Variants in USH2A observed in about 807,000 individuals in gnomAD.
The protein encoded by USH2A is usherin, also known as Usher syndrome 2A (autosomal recessive, mild).
Under a neutral mutation model 538.9 loss-of-function variants are expected in USH2A, and 443 were observed. The ratio of observed to expected loss-of-function variants is 0.82; its 90% CI spans 0.76 to 0.89. The LOEUF (loss-of-function observed/expected upper bound fraction) is 0.89. Ranked by LOEUF, USH2A falls within the 40% of genes least tolerant of loss-of-function variation. The pLI is 0.00. For missense variants in USH2A, 6,633 were observed against 6,324.8 expected (o/e 1.05, Z -1.65); for synonymous variants, 2,413 against 2,273.5 (o/e 1.06, Z -1.75).
At chr1:216,008,752 A>T (rs1558208729) in intron 32 of USH2A, among the ~76,000 whole-genome samples, 1 of 151,862 alleles carries the variant, frequency 6.6e-6, no homozygotes, top group Non-Finnish European at 1.5e-5. Flanking sequence ...CTATCCCTCA[A>T]CCACTTTCTC....
At position 215,817,069 on chromosome 1, in the gene USH2A, C is replaced by G. The variant is rs749535945; in HGVS notation, c.9498G>C (p.Glu3166Asp). The G allele has an allele frequency of 1.2e-6, 2 of 1,612,810 alleles. No individual in the cohort carries two copies. The highest frequency in any genetic ancestry group is 1.7e-6 in the Non-Finnish European group (2 of 1,179,086). The change falls in exon 48 of 72, where the codon GAG becomes GAC. Residue 3166 changes from glutamate (E) to aspartate (D), a missense_variant. Glu to Asp is a conservative substitution (Grantham distance 45). Transcript: ENST00000307340. ...TQKLVQDQSD[E>D]LCKAVRCQKP... ...TTTGACACCTCACTGCCTTGCAGAG[C>G]TCATCACTCTGATCCTGCACTAACT...
chr1:215,913,933 C>A (rs931016369), intron 38 of USH2A, among the ~76,000 whole-genome samples: 7 of 151,824 alleles, frequency 4.6e-5, no homozygotes, highest in Non-Finnish European at 8.8e-5. Context: ...AATTTATTAA[C>A]CTGCATAATT....
chr1:216,041,140 C>G (rs1252100754), intron 32 of USH2A, among the ~76,000 whole-genome samples: 1 of 151,950 alleles, frequency 6.6e-6, no homozygotes, highest in African/African-American at 2.4e-5. Flanking sequence ...AAATCCATTA[C>G]CTTTGAATAC....
At chr1:216,238,530 T>C (rs2035873492) in intron 13 of USH2A, among the ~76,000 whole-genome samples, 1 of 152,198 alleles carries the variant, frequency 6.6e-6, no homozygotes, top group Non-Finnish European at 1.5e-5. Flanking sequence ...TTAAAATACT[T>C]AATGGAGGTT....
At chr1:215,828,980 G>A (rs567290916) in intron 47 of USH2A, among the ~76,000 whole-genome samples, 5 of 152,116 alleles carry the variant, frequency 3.3e-5, no homozygotes, top group African/African-American at 1.2e-4. Context: ...CTACATTCTC[G>A]AGGACCAGAA....
At chr1:216,052,337 T>A (rs2030814777) in intron 30 of USH2A, among the ~76,000 whole-genome samples, 2 of 136,862 alleles carry the variant, frequency 1.5e-5, no homozygotes. Context: ...CCCTGAGAAA[T>A]GAGAGCTGAA....
intron 3 of USH2A, among the ~76,000 whole-genome samples, chr1:216,411,733 C>T (rs1293128031): frequency 6.6e-6 from 1 of 152,066 alleles, no homozygotes; most frequent in Non-Finnish European, 1.5e-5. Flanking sequence ...ACACCAGATG[C>T]TGGAAGAGAC....
chr1:216,064,265 A>G (rs2031278736), intron 30 of USH2A, among the ~76,000 whole-genome samples: 1 of 152,158 alleles, frequency 6.6e-6, no homozygotes, highest in African/African-American at 2.4e-5. Flanking sequence ...GCTGGAGCCC[A>G]TCCTGGCAGC....
chr1:216,350,307 C>T (rs1000715902), intron 4 of USH2A, among the ~76,000 whole-genome samples: 1 of 152,068 alleles, frequency 6.6e-6, no homozygotes, highest in Admixed American at 6.6e-5. Context: ...AATTTCATGT[C>T]ATTTTCATGT....
chr1:215,955,267 T>C (rs565735541), intron 37 of USH2A, among the ~76,000 whole-genome samples: 152 of 152,300 alleles, frequency 1.0e-3, no homozygotes, highest in African/African-American at 3.6e-3. Context: ...TAAGTTAGCA[T>C]AGTGATGATT....
intron 67 of USH2A, among the ~76,000 whole-genome samples, chr1:215,643,353 T>G (rs1456291302): frequency 6.6e-6 from 1 of 151,902 alleles, no homozygotes; most frequent in Non-Finnish European, 1.5e-5. Flanking sequence ...TCCCAGTATT[T>G]ATAATGAGTT....
At chr1:216,132,924 G>C (rs1323396922) in intron 21 of USH2A, among the ~76,000 whole-genome samples, 1 of 152,150 alleles carries the variant, frequency 6.6e-6, no homozygotes. Flanking sequence ...AGCTTAATGT[G>C]TTTTCTTTCC....
chr1:215,680,629 C>G (rs1406456942), intron 61 of USH2A, among the ~76,000 whole-genome samples: 1 of 151,650 alleles, frequency 6.6e-6, no homozygotes, highest in Non-Finnish European at 1.5e-5. Flanking sequence ...CTTGACTTTT[C>G]AGTGCTTGCA....
intron 44 of USH2A, 149 bp downstream of exon 44, chr1:215,866,858 G>A (rs1664482539): frequency 9.1e-7 from 1 of 1,096,582 alleles, no homozygotes; most frequent in Non-Finnish European, 1.3e-6. Flanking sequence ...AGTTTTCAAT[G>A]ACAGCCCTGT....
chr1:216,395,665 C>T (rs1359823522), intron 3 of USH2A, among the ~76,000 whole-genome samples: 1 of 152,202 alleles, frequency 6.6e-6, no homozygotes, highest in South Asian at 2.1e-4. Flanking sequence ...CACCAAGGCT[C>T]ATGCCCCTTA....
chr1:215,845,739 A>G, intron 45 of USH2A, 85 bp downstream of exon 45: 4 of 1,439,494 alleles, frequency 2.8e-6, no homozygotes, highest in Non-Finnish European at 3.9e-6. Context: ...TTTATAATGG[A>G]GGGATGACTG....
At chr1:216,064,906 A>G (rs1304609480) in intron 30 of USH2A, among the ~76,000 whole-genome samples, 1 of 152,188 alleles carries the variant, frequency 6.6e-6, no homozygotes, top group African/African-American at 2.4e-5. Context: ...TTAGCAATGC[A>G]TGACTGTACC....
At chr1:215,650,379 C>T (rs1345738758) in intron 65 of USH2A, among the ~76,000 whole-genome samples, 1 of 151,986 alleles carries the variant, frequency 6.6e-6, no homozygotes, top group East Asian at 1.9e-4. Flanking sequence ...CTTTAGCATC[C>T]CTCTCCCTAA....
chr1:216,416,174 A>C (rs956465139), intron 3 of USH2A, among the ~76,000 whole-genome samples: 1 of 152,132 alleles, frequency 6.6e-6, no homozygotes, highest in African/African-American at 2.4e-5. Context: ...CTCAAAAAAA[A>C]ATCTATAATA....
Sources: allele counts gnomAD v4.1 joint callset (sites outside exome capture counted in the v4.1 genomes callset), GRCh38; gene constraint gnomAD v4.1.1; transcripts MANE v1.5; gene names NCBI Gene and HGNC (gene_info 2026-07-23, HGNC 2026-07-21).